ROBO2: variants seen among roughly 807,000 people sequenced by gnomAD.
ROBO2 encodes the protein roundabout guidance receptor 2.
ROBO2 carries 53 observed loss-of-function variants against 160.8 expected under a neutral mutation model. That is an observed-to-expected ratio of 0.33 (90% CI 0.26 to 0.41). The LOEUF is 0.41. Ranked by LOEUF, ROBO2 falls within the 10% of genes least tolerant of loss-of-function variation. The pLI is 1.00. For missense variants in ROBO2, 1,577 were observed against 1,722.4 expected (o/e 0.92, Z 1.49); for synonymous variants, 664 against 611.7 (o/e 1.09, Z -1.26).
rs561307161 is a variant in ROBO2, at chr3:77,516,436, C to T, written c.807-6339C>T. Among the ~76,000 whole-genome samples, 5 of 151,554 alleles carry T rather than the reference C, an allele frequency of 3.3e-5. No homozygotes were observed. The South Asian group carries it at 8.3e-4, about 25-fold the overall frequency. On this transcript the variant is annotated intron_variant, in intron 5 of 25. Transcript: ENST00000461745. ...TCATAAGACATGTGACTTGAAAGCT[C>T]CCTGCCAAAATAATGAGCTTATATA...
intron 2 of ROBO2, among the ~76,000 whole-genome samples, chr3:77,148,722 A>G (rs186085271): frequency 6.6e-6 from 1 of 152,320 alleles, no homozygotes; most frequent in East Asian, 1.9e-4. Context: ...TATGTCAAGC[A>G]AATACCGCTA....
At chr3:76,814,859 T>G (rs1258757174) in intron 2 of ROBO2, among the ~76,000 whole-genome samples, 1 of 151,994 alleles carries the variant, frequency 6.6e-6, no homozygotes, top group African/African-American at 2.4e-5. Context: ...ATAAAGGAAT[T>G]CACCATTTTC....
intron 2 of ROBO2, among the ~76,000 whole-genome samples, chr3:76,633,770 G>A (rs1376102593): frequency 1.3e-5 from 2 of 152,212 alleles, no homozygotes; most frequent in Non-Finnish European, 2.9e-5. Flanking sequence ...TTATAGATGA[G>A]GAATTAAGGC....
chr3:77,554,926 A>G (rs2153656416), intron 8 of ROBO2, among the ~76,000 whole-genome samples: 1 of 152,130 alleles, frequency 6.6e-6, no homozygotes, highest in South Asian at 2.1e-4. Flanking sequence ...ATAAAATGCT[A>G]TAACACAGCA....
intron 2 of ROBO2, among the ~76,000 whole-genome samples, chr3:77,189,543 C>G (rs1005520665): frequency 6.6e-5 from 10 of 151,840 alleles, no homozygotes; most frequent in African/African-American, 2.4e-4. Flanking sequence ...AGAACAGTGC[C>G]TGTTCAATCT....
At chr3:76,963,866 GAAATAA>G (rs2079861654) in intron 2 of ROBO2, among the ~76,000 whole-genome samples, 1 of 145,586 alleles carries the variant, frequency 6.9e-6, no homozygotes, top group Non-Finnish European at 1.5e-5. Context: ...AAAGAAAAAA[GAAATAA>G]AAAGAAAAAG....
At chr3:77,566,183 G>T (rs1287229037) in intron 12 of ROBO2, among the ~76,000 whole-genome samples, 2 of 152,070 alleles carry the variant, frequency 1.3e-5, no homozygotes, top group Non-Finnish European at 1.5e-5. Flanking sequence ...GCACCTTAAA[G>T]GAATCGACTG....
At chr3:76,795,399 C>G (rs1424247136) in intron 2 of ROBO2, among the ~76,000 whole-genome samples, 4 of 152,094 alleles carry the variant, frequency 2.6e-5, no homozygotes, top group Admixed American at 2.6e-4. Flanking sequence ...ACTCTCAAAC[C>G]CTGCCACTAT....
chr3:77,082,901 T>C (rs1449298389), intron 1 of ROBO2, among the ~76,000 whole-genome samples: 1 of 151,988 alleles, frequency 6.6e-6, no homozygotes, highest in African/African-American at 2.4e-5. Context: ...ATATATACAG[T>C]ATTTAAATGT....
intron 2 of ROBO2, among the ~76,000 whole-genome samples, chr3:77,298,999 A>G (rs2062405054): frequency 6.6e-6 from 1 of 152,202 alleles, no homozygotes; most frequent in South Asian, 2.1e-4. Flanking sequence ...CAGAATTGCC[A>G]GAGTCAAGAT....
At chr3:76,509,658 C>T (rs561739389) in intron 2 of ROBO2, among the ~76,000 whole-genome samples, 101 of 152,240 alleles carry the variant, frequency 6.6e-4, no homozygotes, top group Middle Eastern at 3.4e-3. Context: ...TGTCCAGCAA[C>T]GGAAGTCACG....
intron 2 of ROBO2, among the ~76,000 whole-genome samples, chr3:76,391,626 A>C (rs921767765): frequency 1.3e-5 from 2 of 151,900 alleles, no homozygotes; most frequent in African/African-American, 4.8e-5. Flanking sequence ...GGTACAAGCA[A>C]TTCTCCTGCC....
intron 2 of ROBO2, among the ~76,000 whole-genome samples, chr3:76,901,364 C>T (rs998958255): frequency 1.1e-4 from 17 of 152,006 alleles, no homozygotes; most frequent in Admixed American, 8.5e-4. Context: ...AGGCACTCAA[C>T]ATATATCTAT....
chr3:76,306,606 T>C (rs940895185), intron 2 of ROBO2, among the ~76,000 whole-genome samples: 1 of 152,184 alleles, frequency 6.6e-6, no homozygotes, highest in Non-Finnish European at 1.5e-5. Context: ...TCAAATGACA[T>C]ATTTAAAGAA....
At chr3:77,275,141 A>C (rs536983657) in intron 2 of ROBO2, among the ~76,000 whole-genome samples, 1 of 152,270 alleles carries the variant, frequency 6.6e-6, no homozygotes, top group South Asian at 2.1e-4. Context: ...TTAATATATC[A>C]ATGAAGACAG....
At chr3:76,498,940 G>C (rs1331377341) in intron 2 of ROBO2, among the ~76,000 whole-genome samples, 1 of 152,094 alleles carries the variant, frequency 6.6e-6, no homozygotes, top group Non-Finnish European at 1.5e-5. Flanking sequence ...ACCCTCCTCA[G>C]CCTCCCAAAG....
intron 16 of ROBO2, among the ~76,000 whole-genome samples, chr3:77,584,456 A>G (rs1411061767): frequency 3.3e-5 from 5 of 152,224 alleles, no homozygotes; most frequent in African/African-American, 1.2e-4. Context: ...AGTGTTTGAT[A>G]TAAGCCGTTC....
chr3:76,614,596 G>T (rs2088416840), intron 2 of ROBO2, among the ~76,000 whole-genome samples: 1 of 151,928 alleles, frequency 6.6e-6, no homozygotes, highest in African/African-American at 2.4e-5. Context: ...ATATTTATTA[G>T]CTACAACACA....
At chr3:77,047,969 C>G (rs2064854100) in intron 1 of ROBO2, among the ~76,000 whole-genome samples, 1 of 151,890 alleles carries the variant, frequency 6.6e-6, no homozygotes, top group Non-Finnish European at 1.5e-5. Flanking sequence ...ATGGCTTGAA[C>G]CTGGGAGGTG....
Sources: allele counts gnomAD v4.1 joint callset (sites outside exome capture counted in the v4.1 genomes callset), GRCh38; gene constraint gnomAD v4.1.1; transcripts MANE v1.5; gene names NCBI Gene and HGNC (gene_info 2026-07-23, HGNC 2026-07-21).